TPST1: variants seen among roughly 807,000 people sequenced by gnomAD.
The protein encoded by TPST1 is protein-tyrosine sulfotransferase 1.
TPST1 carries 20 observed loss-of-function variants against 34.8 expected under a neutral mutation model. The observed-to-expected ratio is 0.57, with a 90% CI of 0.40 to 0.84. The LOEUF (loss-of-function observed/expected upper bound fraction) is 0.84, where lower values mean the gene tolerates loss of function less well. Ranked by LOEUF, TPST1 falls within the 40% of genes least tolerant of loss-of-function variation. The probability of loss-of-function intolerance (pLI) is 0.00; values close to 1 mark genes in which losing one functional copy is unlikely to be tolerated. For synonymous variants in TPST1, 152 were observed against 159.4 expected (o/e 0.95, Z 0.35); for missense variants, 353 against 455.5 (o/e 0.78, Z 2.05).
chr7:66,229,677 T>G (rs1789736707), intron 1 of TPST1, among the ~76,000 whole-genome samples: 1 of 152,190 alleles, frequency 6.6e-6, no homozygotes, highest in South Asian at 2.1e-4. Flanking sequence ...TAAGTATATA[T>G]TTACATTTAT....
intron 2 of TPST1, among the ~76,000 whole-genome samples, chr7:66,282,799 G>A (rs10215948): frequency 0.59 from 90,409 of 152,004 alleles, 27,245 homozygotes; most frequent in African/African-American, 0.68. Context: ...GGACTGCATC[G>A]TATCTTGTTC....
intron 3 of TPST1, among the ~76,000 whole-genome samples, chr7:66,315,810 A>T (rs1409812121): frequency 1.3e-5 from 2 of 152,148 alleles, no homozygotes; most frequent in Admixed American, 6.5e-5. Flanking sequence ...AGGCAAGAAT[A>T]ACAAGAAAAA....
rs559901325 is a variant in TPST1 at position 66,231,134 on chromosome 7, C to T, written c.-101-9191C>T. ...ACCAGAGCAGCTAGATACAGAGTGT[C>T]GATTGGTGCACTCACAAACCCTGAG... On this transcript the variant is annotated intron_variant, in intron 1 of 5. Transcript: ENST00000304842. Among the ~76,000 whole-genome samples the T allele has an allele frequency of 7.1e-3, 1,078 of 152,002 alleles. 10 individuals are homozygous for T. Among genetic ancestry groups the T allele is most frequent in the African/African-American group, 0.025 (1,028 of 41,424 alleles).
chr7:66,305,464 A>G (rs972363933), intron 3 of TPST1, among the ~76,000 whole-genome samples: 1 of 152,326 alleles, frequency 6.6e-6, no homozygotes. Context: ...AAACAAGTGT[A>G]ATAGAAAATC....
At chr7:66,303,868 G>A (rs1356860224) in intron 3 of TPST1, among the ~76,000 whole-genome samples, 1 of 152,144 alleles carries the variant, frequency 6.6e-6, no homozygotes, top group Non-Finnish European at 1.5e-5. Flanking sequence ...CGTAGAAAAA[G>A]AATATGCCAG....
chr7:66,227,306 C>T (rs1789679818), intron 1 of TPST1, among the ~76,000 whole-genome samples: 2 of 152,114 alleles, frequency 1.3e-5, no homozygotes, highest in South Asian at 4.1e-4. Context: ...GCTGGGATTA[C>T]AGGCGTGAGC....
chr7:66,229,276 A>G (rs1789728393), intron 1 of TPST1, among the ~76,000 whole-genome samples: 1 of 151,990 alleles, frequency 6.6e-6, no homozygotes, highest in Admixed American at 6.6e-5. Flanking sequence ...ACGCCCAGCT[A>G]ATTTTTTGTA....
chr7:66,203,341 G>A (rs946564102), upstream of TPST1, among the ~76,000 whole-genome samples: 9 of 151,766 alleles, frequency 5.9e-5, no homozygotes, highest in African/African-American at 2.2e-4. Flanking sequence ...CTGGGCTCAC[G>A]GGACCCTCCT....
chr7:66,269,959 G>A (rs897874766), intron 2 of TPST1, among the ~76,000 whole-genome samples: 1 of 152,024 alleles, frequency 6.6e-6, no homozygotes. Flanking sequence ...AAAACATATA[G>A]CATATTAGAA....
At chr7:66,257,647 A>G (rs566288620) in intron 2 of TPST1, among the ~76,000 whole-genome samples, 2 of 152,190 alleles carry the variant, frequency 1.3e-5, no homozygotes, top group Non-Finnish European at 2.9e-5. Flanking sequence ...AAACTTTGTC[A>G]GTCCTTTGTG....
chr7:66,232,168 T>C (rs1358067145), intron 1 of TPST1, among the ~76,000 whole-genome samples: 2 of 151,882 alleles, frequency 1.3e-5, no homozygotes, highest in East Asian at 3.9e-4. Flanking sequence ...ATGGTAACTA[T>C]TTTTTAATTT....
chr7:66,280,298 C>T (rs780675187), intron 2 of TPST1, among the ~76,000 whole-genome samples: 1 of 152,206 alleles, frequency 6.6e-6, no homozygotes, highest in Non-Finnish European at 1.5e-5. Flanking sequence ...GCATTGGAAG[C>T]GTCTTTCTCC....
chr7:66,199,512 C>G, the TPST1 span, among the ~76,000 whole-genome samples: 5 of 151,940 alleles, frequency 3.3e-5, no homozygotes, highest in East Asian at 7.8e-4. Flanking sequence ...CCAGGCTGGT[C>G]TCGAACTTCT....
At chr7:66,202,263 C>CTCAGAGGCTGGACCCTG (rs1236070872), upstream of TPST1, among the ~76,000 whole-genome samples, 1 of 152,106 alleles carries the variant, frequency 6.6e-6, no homozygotes, top group Non-Finnish European at 1.5e-5. Context: ...TTACTTCTGC[C>CTCAGAGGCTGGACCCTG]TCAGAGGCTG....
intron 3 of TPST1, among the ~76,000 whole-genome samples, chr7:66,300,782 C>T (rs1001457975): frequency 6.6e-6 from 1 of 152,046 alleles, no homozygotes; most frequent in Non-Finnish European, 1.5e-5. Flanking sequence ...TCCATCTCTA[C>T]TAAAAATACA....
chr7:66,302,754 A>T (rs921551674), intron 3 of TPST1, among the ~76,000 whole-genome samples: 11 of 152,110 alleles, frequency 7.2e-5, no homozygotes, highest in Non-Finnish European at 1.6e-4. Flanking sequence ...CTGCTTTTTC[A>T]TGGCTTTACA....
chr7:66,345,224 C>T lies in TPST1; in HGVS notation c.1045-7281C>T, dbSNP rs117101113. 5.2e-3 allele frequency among the ~76,000 whole-genome samples: 792 copies of T among 151,238 alleles called. 2 individuals carry two copies. The highest frequency in any genetic ancestry group is 9.7e-3 in the Non-Finnish European group (660 of 67,770). On this transcript the variant is annotated intron_variant, in intron 3 of 5. Transcript: ENST00000304842. ...CAAGATCAATACCAAATGCCAGGTG[C>T]GGTGGCTCACACCTGTAATCCCAGC...
At chr7:66,237,719 T>TG (rs1238607401) in intron 1 of TPST1, among the ~76,000 whole-genome samples, 1 of 151,712 alleles carries the variant, frequency 6.6e-6, no homozygotes, top group Non-Finnish European at 1.5e-5. Flanking sequence ...ACTCTGTATA[T>TG]GGGGAGGGGT....
chr7:66,265,410 C>T (rs879826699), intron 2 of TPST1, among the ~76,000 whole-genome samples: 7 of 151,972 alleles, frequency 4.6e-5, no homozygotes, highest in Admixed American at 2.6e-4. Context: ...ATTAACCATA[C>T]GTGATGACAT....
Sources: gnomAD v4.1 joint callset for allele counts (sites outside exome capture counted in the v4.1 genomes callset) on GRCh38, gnomAD v4.1.1 for gene constraint, MANE v1.5 for transcripts, NCBI Gene and HGNC (gene_info 2026-07-23, HGNC 2026-07-21) for gene names.